The following GFRAL variants were observed in gnomAD, a reference collection of about 807,000 sequenced individuals.
The protein encoded by GFRAL is GDNF family receptor alpha-like.
GFRAL carries 36 observed loss-of-function variants against 45.4 expected under a neutral mutation model. The observed-to-expected ratio is 0.79, with a 90% CI of 0.61 to 1.05. The LOEUF is 1.05. GFRAL is among the 50% of genes least tolerant of loss of function. GFRAL has a pLI of 0.00. For synonymous variants in GFRAL, 166 were observed against 154.1 expected (o/e 1.08, Z -0.57); for missense variants, 507 against 467.5 (o/e 1.08, Z -0.78).
intron 8 of GFRAL, among the ~76,000 whole-genome samples, chr6:55,399,784 T>C (rs1408975578): frequency 6.6e-6 from 1 of 152,182 alleles, no homozygotes; most frequent in Non-Finnish European, 1.5e-5. Context: ...TTTGCATGAT[T>C]GATAGGCTCA....
At chr6:55,343,961 A>C (rs1243719811) in intron 3 of GFRAL, among the ~76,000 whole-genome samples, 1 of 152,212 alleles carries the variant, frequency 6.6e-6, no homozygotes, top group Non-Finnish European at 1.5e-5. Context: ...TCCTGGATGC[A>C]TACACTCTAC....
intron 6 of GFRAL, among the ~76,000 whole-genome samples, chr6:55,395,179 T>TATATATATATATATAC (rs1561868538): frequency 2.9e-5 from 4 of 139,084 alleles, no homozygotes; most frequent in African/African-American, 1.1e-4. Flanking sequence ...AAAAAAAATA[T>TATATATATATATATAC]ATATATATAT....
At chr6:55,338,856 C>G (rs529052838) in intron 3 of GFRAL, among the ~76,000 whole-genome samples, 1 of 152,120 alleles carries the variant, frequency 6.6e-6, no homozygotes, top group Non-Finnish European at 1.5e-5. Flanking sequence ...ACTTACATAT[C>G]TTTCTAAAGA....
intron 5 of GFRAL, among the ~76,000 whole-genome samples, chr6:55,356,608 A>G (rs1768198244): frequency 6.6e-6 from 1 of 151,768 alleles, no homozygotes; most frequent in Admixed American, 6.6e-5. Context: ...TCTTTTTATT[A>G]GCCTAGCTGA....
Position 55,351,458 on chromosome 6 carries a change from T to C in GFRAL, c.576T>C (p.Ala192=). The part of the protein sequence containing the change: ...IAQMLAFCDC[A]QSDIPCQQSK... The stretch of plus-strand genomic sequence containing the variant: ...AGATGTTGGCTTTTTGTGACTGTGC[T>C]CAATCTGATATACCTTGTCAGCAGT... The change falls in exon 5 of 9, where the codon GCT becomes GCC. Residue 192 remains alanine (A), a synonymous_variant. Coordinates refer to ENST00000340465, the MANE Select transcript of GFRAL (RefSeq NM_207410.2). 1 of 1,613,632 alleles carries C rather than the reference T, an allele frequency of 6.2e-7. No homozygotes were observed. Among genetic ancestry groups the C allele is most frequent in the South Asian group, 1.1e-5 (1 of 91,078 alleles).
At chr6:55,344,985 G>C (rs554203820) in intron 3 of GFRAL, among the ~76,000 whole-genome samples, 1 of 152,104 alleles carries the variant, frequency 6.6e-6, no homozygotes. Flanking sequence ...AACTTACAAG[G>C]GATGTGAAGG....
intron 6 of GFRAL, among the ~76,000 whole-genome samples, chr6:55,362,911 G>T (rs536978703): frequency 1.3e-5 from 2 of 150,814 alleles, no homozygotes; most frequent in Admixed American, 6.6e-5. Context: ...AGAGAAAACA[G>T]GAAGGAAGAG....
intron 6 of GFRAL, among the ~76,000 whole-genome samples, chr6:55,362,207 G>A (rs1269413079): frequency 6.6e-6 from 1 of 151,418 alleles, no homozygotes; most frequent in Admixed American, 6.6e-5. Flanking sequence ...CATTGGGTGT[G>A]GTATAGTCAT....
intron 6 of GFRAL, among the ~76,000 whole-genome samples, chr6:55,364,759 C>T (rs1390399966): frequency 2.6e-5 from 4 of 151,648 alleles, no homozygotes; most frequent in Non-Finnish European, 5.9e-5. Flanking sequence ...AGATATGCGG[C>T]GTGATTTCTG....
chr6:55,361,026 A>G (rs1409538129), intron 6 of GFRAL, among the ~76,000 whole-genome samples: 1 of 152,170 alleles, frequency 6.6e-6, no homozygotes, highest in African/African-American at 2.4e-5. Context: ...TTTGCTTACT[A>G]TAACCTTTTC....
intron 6 of GFRAL, among the ~76,000 whole-genome samples, chr6:55,378,187 G>A (rs964239595): frequency 6.6e-6 from 1 of 151,822 alleles, no homozygotes; most frequent in Non-Finnish European, 1.5e-5. Context: ...TGAAAAGCAT[G>A]GTACAATGTC....
rs1307932519 is a variant in GFRAL at position 55,359,022 on chromosome 6, A to C, written c.836A>C (p.Tyr279Ser). 6.2e-7 allele frequency: 1 copy of C among 1,613,146 alleles called. No homozygotes were observed. The highest frequency in any genetic ancestry group is 8.5e-7 in the Non-Finnish European group (1 of 1,179,412). The change falls in exon 6 of 9, where the codon TAC becomes TCC. Residue 279 changes from tyrosine (Y) to serine (S), a missense_variant. Tyr to Ser is a moderately radical substitution (Grantham distance 144). Transcript: ENST00000340465. ...GGAAGTGATGACTGCAAAGCTGCTT[A>C]CATAGATATCCTTGGGACGGTCCTT... ...CSGSDDCKAA[Y>S]IDILGTVLQV...
At position 55,358,341 on chromosome 6, in the gene GFRAL, C is replaced by A. The variant is rs555272017; in HGVS notation, c.702-547C>A. 1.6e-4 allele frequency among the ~76,000 whole-genome samples: 24 copies of A among 151,924 alleles called. No homozygotes were observed. The South Asian group carries it at 3.1e-3, about 20-fold the overall frequency. On this transcript the variant is annotated intron_variant, in intron 5 of 8. Coordinates refer to ENST00000340465, the MANE Select transcript of GFRAL (RefSeq NM_207410.2). Reference sequence around the variant, plus strand: ...ATGAAATTAGTGTACATTATCCAGACTTTTTTTCAATTTTATTACAGCAAT... The same window carrying A: ...ATGAAATTAGTGTACATTATCCAGAATTTTTTTCAATTTTATTACAGCAAT...
chr6:55,333,311 A>G (rs7775056), intron 2 of GFRAL, among the ~76,000 whole-genome samples: 1 of 151,856 alleles, frequency 6.6e-6, no homozygotes, highest in African/African-American at 2.4e-5. Flanking sequence ...GACTTATTCA[A>G]TAATATTTAT....
intron 5 of GFRAL, among the ~76,000 whole-genome samples, chr6:55,358,505 T>A (rs1259793077): frequency 6.6e-6 from 1 of 151,960 alleles, no homozygotes; most frequent in Admixed American, 6.6e-5. Context: ...TTACTTGAAA[T>A]CACTTGGTGT....
At chr6:55,341,744 G>A (rs749420459) in intron 3 of GFRAL, among the ~76,000 whole-genome samples, 14 of 152,150 alleles carry the variant, frequency 9.2e-5, no homozygotes, top group South Asian at 4.1e-4. Flanking sequence ...GAGGATGTTC[G>A]AACCCATTGA....
intron 2 of GFRAL, among the ~76,000 whole-genome samples, chr6:55,333,221 TAATA>T (rs1367906210): frequency 2.6e-5 from 4 of 152,084 alleles, no homozygotes; most frequent in African/African-American, 7.2e-5. Flanking sequence ...TTATTCAGAA[TAATA>T]AATAAAAGAA....
chr6:55,387,239 A>G (rs994724447), intron 6 of GFRAL, among the ~76,000 whole-genome samples: 4 of 152,302 alleles, frequency 2.6e-5, no homozygotes, highest in African/African-American at 9.6e-5. Context: ...GAACAATAAC[A>G]GCCTTCAGTA....
chr6:55,342,861 G>A (rs887983205), intron 3 of GFRAL, among the ~76,000 whole-genome samples: 1 of 151,986 alleles, frequency 6.6e-6, no homozygotes, highest in Non-Finnish European at 1.5e-5. Flanking sequence ...AACAAAAAAA[G>A]GCAGGGGTTG....
Sources: gnomAD v4.1 joint callset for allele counts (sites outside exome capture counted in the v4.1 genomes callset) on GRCh38, gnomAD v4.1.1 for gene constraint, MANE v1.5 for transcripts, NCBI Gene and HGNC (gene_info 2026-07-23, HGNC 2026-07-21) for gene names.